Variants in NSF observed in about 807,000 individuals in gnomAD.
The protein encoded by NSF is N-ethylmaleimide sensitive factor, vesicle fusing ATPase.
NSF carries 14 observed loss-of-function variants against 50.3 expected under a neutral mutation model. That is an observed-to-expected ratio of 0.28 (90% CI 0.18 to 0.44). NSF has a LOEUF of 0.44. Ranked by LOEUF, NSF falls within the 20% of genes least tolerant of loss-of-function variation. The pLI is 1.00. For synonymous variants in NSF, 109 were observed against 175.7 expected, an observed-to-expected ratio of 0.62 and a Z score of 3.00; for missense variants, 218 against 504.3, an observed-to-expected ratio of 0.43 and a Z score of 5.44.
At chr17:46,736,138 T>C (rs1409472505) in intron 17 of NSF, among the ~76,000 whole-genome samples, 1 of 152,204 alleles carries the variant, frequency 6.6e-6, no homozygotes, top group Non-Finnish European at 1.5e-5. Context: ...TCCCCATCTC[T>C]CATTCACTGA....
At chr17:46,738,504 G>T (rs2059033635) in intron 17 of NSF, among the ~76,000 whole-genome samples, 1 of 152,148 alleles carries the variant, frequency 6.6e-6, no homozygotes, top group Non-Finnish European at 1.5e-5. Context: ...AATGAATAAG[G>T]ACCATCATAA....
At chr17:46,744,128 G>A (rs568884958) in intron 17 of NSF, among the ~76,000 whole-genome samples, 1 of 152,248 alleles carries the variant, frequency 6.6e-6, no homozygotes. Flanking sequence ...TTGTATTTGC[G>A]AGTGTGTTAC....
At chr17:46,721,741 C>G in intron 15 of NSF, 1 of 1,605,358 alleles carries the variant, frequency 6.2e-7, no homozygotes, top group Non-Finnish European at 8.5e-7. Flanking sequence ...CGGGGATTCT[C>G]TTGCCCACAA....
intron 1 of NSF, among the ~76,000 whole-genome samples, chr17:46,622,375 G>C: frequency 6.7e-6 from 1 of 150,128 alleles, no homozygotes; most frequent in East Asian, 2.0e-4. Flanking sequence ...GGAGAATGGC[G>C]TGAACCCGGG....
At position 46,711,038 on chromosome 17, in the gene NSF, C is replaced by A; in HGVS notation, c.1546C>A (p.Arg516=). Residue 516 remains arginine, a synonymous_variant, in exon 14 of 21, where the codon CGA becomes AGA. Coordinates refer to ENST00000398238, the MANE Select transcript of NSF (RefSeq NM_006178.4). ...CATCAAATGGGGTGACCCAGTTACT[C>A]GAGTTCTAGATGATGGGGAGCTGCT... is the stretch of plus-strand genomic sequence containing the variant. ...GIIKWGDPVT[R]VLDDGELLVQ... The A allele has an allele frequency of 6.3e-7, 1 of 1,591,354 alleles. No homozygotes were observed.
chr17:46,713,061 T>C (rs1716982283), intron 14 of NSF: 1 of 152,260 alleles, frequency 6.6e-6, no homozygotes, highest in South Asian at 2.1e-4. Flanking sequence ...AAGCAGCCAG[T>C]GTAAATAATT....
At chr17:46,745,843 T>C (rs1299122825) in intron 17 of NSF, among the ~76,000 whole-genome samples, 1 of 152,270 alleles carries the variant, frequency 6.6e-6, no homozygotes, top group Non-Finnish European at 1.5e-5. Context: ...CTTTTTGTTA[T>C]AGTAAAAATG....
chr17:46,750,045 TA>T (rs2059166689), intron 18 of NSF, 138 bp downstream of exon 18: 2 of 938,736 alleles, frequency 2.1e-6, no homozygotes, highest in South Asian at 2.1e-5. Context: ...AGGTTGTATA[TA>T]CCTTATCCAA....
intron 14 of NSF, among the ~76,000 whole-genome samples, chr17:46,712,800 G>A (rs1293094573): frequency 6.6e-6 from 1 of 152,164 alleles, no homozygotes; most frequent in Non-Finnish European, 1.5e-5. Context: ...AAAAGAGACT[G>A]AGCAAGAGTA....
intron 17 of NSF, among the ~76,000 whole-genome samples, chr17:46,747,278 A>G (rs2059139011): frequency 6.6e-6 from 1 of 152,124 alleles, no homozygotes; most frequent in Non-Finnish European, 1.5e-5. Context: ...GCAATCTATA[A>G]TATTCACAAG....
chr17:46,722,441 A>G (rs777776338), intron 15 of NSF, among the ~76,000 whole-genome samples: 6 of 152,104 alleles, frequency 3.9e-5, no homozygotes, highest in African/African-American at 7.2e-5. Context: ...AGTTTGTACA[A>G]TTTTACTTTT....
rs1423805209 is a variant in NSF, at chr17:46,722,314, C to T, written c.1762-4235C>T. On this transcript the variant is annotated intron_variant, in intron 15 of 20. Coordinates refer to ENST00000398238, the MANE Select transcript of NSF (RefSeq NM_006178.4). The stretch of plus-strand genomic sequence containing the variant: ...TACCTTCTTACCTCCAGCCTCAGTC[C>T]TCCTGGCATCTTCTGTGTTGGGGCA... 7.0e-6 allele frequency: 5 copies of T among 714,538 alleles called. No individual in the cohort carries two copies. In the East Asian group the frequency reaches 1.1e-4, roughly 15 times the overall value. The allele number at this position is 714,538 out of a possible 1,614,324, so 44.3% of individuals were successfully genotyped here. A position where few individuals can be genotyped will look rare whatever the true frequency, so the allele number is the denominator to read the frequency against.
intron 9 of NSF, among the ~76,000 whole-genome samples, chr17:46,676,566 A>G (rs1568028032): frequency 1.4e-5 from 2 of 144,822 alleles, no homozygotes; most frequent in African/African-American, 5.5e-5. Context: ...ATCCTTGTTC[A>G]TGCTGGTTTA....
chr17:46,753,666 C>G (rs2059205907), intron 19 of NSF, among the ~76,000 whole-genome samples: 5 of 152,054 alleles, frequency 3.3e-5, no homozygotes, highest in Admixed American at 3.3e-4. Flanking sequence ...AACCCTCATC[C>G]CTTTCCCTTC....
chr17:46,691,786 T>G (rs1479228162), intron 9 of NSF, among the ~76,000 whole-genome samples: 1 of 151,570 alleles, frequency 6.6e-6, no homozygotes, highest in African/African-American at 2.4e-5. Context: ...GGAGTCTCAC[T>G]CTGTCGCCCA....
At chr17:46,755,428 G>T in intron 20 of NSF, 59 bp downstream of exon 20, 2 of 1,341,040 alleles carry the variant, frequency 1.5e-6, no homozygotes, top group Non-Finnish European at 2.1e-6. Flanking sequence ...TTAAATCCCT[G>T]TGCCTATTCT....
intron 2 of NSF, among the ~76,000 whole-genome samples, chr17:46,625,921 A>G (rs1275932707): frequency 1.4e-5 from 2 of 142,002 alleles, no homozygotes; most frequent in African/African-American, 2.8e-5. Context: ...GCTGCTGCAT[A>G]ACAGGATTTG....
chr17:46,754,148 TC>T (rs2059210561), intron 19 of NSF, among the ~76,000 whole-genome samples: 1 of 90,602 alleles, frequency 1.1e-5, no homozygotes, highest in South Asian at 5.1e-4. Flanking sequence ...TCCAGCCAGT[TC>T]TTTTTTTTTT....
intron 15 of NSF, among the ~76,000 whole-genome samples, chr17:46,714,196 C>T (rs1482264514): frequency 6.6e-6 from 1 of 152,116 alleles, no homozygotes; most frequent in Non-Finnish European, 1.5e-5. Context: ...CCTTTACCTT[C>T]TAAATTATGC....
Sources: gnomAD v4.1 joint callset for allele counts (sites outside exome capture counted in the v4.1 genomes callset) on GRCh38, gnomAD v4.1.1 for gene constraint, MANE v1.5 for transcripts, NCBI Gene and HGNC (gene_info 2026-07-23, HGNC 2026-07-21) for gene names.